TMPRSS11D: variants seen among roughly 807,000 people sequenced by gnomAD.
TMPRSS11D encodes transmembrane serine protease 11D, also known as transmembrane protease serine 11D.
TMPRSS11D carries 32 observed loss-of-function variants against 44.4 expected under a neutral mutation model. That is an observed-to-expected ratio of 0.72 (90% CI 0.54 to 0.97). TMPRSS11D has a LOEUF of 0.97. Among genes scored for constraint, TMPRSS11D ranks in the 50% least tolerant of loss-of-function variants. The probability of loss-of-function intolerance (pLI) is 0.00; values close to 1 mark genes in which losing one functional copy is unlikely to be tolerated. For missense variants in TMPRSS11D, 446 were observed against 502.6 expected, an observed-to-expected ratio of 0.89 and a Z score of 1.08; for synonymous variants, 179 against 177.9, an observed-to-expected ratio of 1.01 and a Z score of -0.05.
At chr4:67,846,870 A>T (rs1221580580) in intron 3 of TMPRSS11D, among the ~76,000 whole-genome samples, 1 of 151,850 alleles carries the variant, frequency 6.6e-6, no homozygotes, top group Non-Finnish European at 1.5e-5. Context: ...ACATATTTTC[A>T]TAGTCTTCTC....
chr4:67,883,906 A>G lies in TMPRSS11D; in HGVS notation c.8+20T>C. ...ATATAGTAAAACTTTTAAAGCTACA[A>G]AGACAAAAACAGGACTTACCTATAC... On this transcript the variant is annotated intron_variant, in intron 1 of 9. Coordinates refer to ENST00000283916, the MANE Select transcript of TMPRSS11D (RefSeq NM_004262.3). 10 of 1,593,208 alleles carry G rather than the reference A, an allele frequency of 6.3e-6. No individual in the cohort carries two copies. The highest frequency in any genetic ancestry group is 8.5e-6 in the Non-Finnish European group (10 of 1,170,546).
intron 1 of TMPRSS11D, among the ~76,000 whole-genome samples, chr4:67,871,249 C>CA (rs925687166): frequency 6.6e-6 from 1 of 152,162 alleles, no homozygotes; most frequent in Admixed American, 6.5e-5. Context: ...TAAAGAAACT[C>CA]AAAGTGTTTC....
rs78861183 is a variant in TMPRSS11D, at chr4:67,838,049, G to A, written c.475+123C>T. ...TATATGGTATATTTAGCTTTTTAATGGATTGTTTTCACAGTTTAGTTTCAA... is the reference window on the plus strand; with the variant it reads ...TATATGGTATATTTAGCTTTTTAATAGATTGTTTTCACAGTTTAGTTTCAA... On this transcript the variant is annotated intron_variant, in intron 5 of 9. Transcript: ENST00000283916. 3.3e-4 allele frequency: 260 copies of A among 793,684 alleles called. No individual in the cohort carries two copies. The African/African-American group carries it at 4.3e-3, about 13-fold the overall frequency. 49.2% of individuals were successfully genotyped at this position (793,684 alleles called of 1,614,324 possible).
At chr4:67,851,917 C>T (rs1718519447) in intron 3 of TMPRSS11D, among the ~76,000 whole-genome samples, 1 of 152,138 alleles carries the variant, frequency 6.6e-6, no homozygotes, top group Admixed American at 6.6e-5. Context: ...TGGTTTGGCC[C>T]TTGTAGGGGC....
At chr4:67,855,515 A>G in intron 2 of TMPRSS11D, among the ~76,000 whole-genome samples, 1 of 152,086 alleles carries the variant, frequency 6.6e-6, no homozygotes, top group Non-Finnish European at 1.5e-5. Context: ...TCATAACAAG[A>G]ACTCTCAACA....
rs746356215 is a variant in TMPRSS11D, at chr4:67,842,614, T to A, written c.261A>T (p.Thr87=). ...GATTTCTTAAATTTGATTCTTTGAATGTTTTAGTAATCTGTAGAAAGAAAG... is the reference window on the plus strand; with the variant it reads ...GATTTCTTAAATTTGATTCTTTGAAAGTTTTAGTAATCTGTAGAAAGAAAG... The part of the protein sequence containing the change: ...SGRIESLITK[T]FKESNLRNQF... Residue 87 remains threonine (T), a synonymous_variant, in exon 4 of 10, where the codon ACA becomes ACT. Coordinates refer to ENST00000283916, the MANE Select transcript of TMPRSS11D (RefSeq NM_004262.3). 1.2e-6 allele frequency: 2 copies of A among 1,607,634 alleles called. No individual in the cohort carries two copies. The highest frequency in any genetic ancestry group is 1.7e-6 in the Non-Finnish European group (2 of 1,178,278).
At chr4:67,833,114 T>C in intron 7 of TMPRSS11D, 90 bp downstream of exon 7, 1 of 1,182,076 alleles carries the variant, frequency 8.5e-7, no homozygotes, top group East Asian at 3.1e-5. Context: ...GAATTATTTC[T>C]GGCTCAATTC....
intron 1 of TMPRSS11D, among the ~76,000 whole-genome samples, chr4:67,877,229 T>C (rs1249388374): frequency 6.6e-6 from 1 of 152,224 alleles, no homozygotes; most frequent in Non-Finnish European, 1.5e-5. Flanking sequence ...CTCCATGCTC[T>C]GTCCTGGGTG....
intron 1 of TMPRSS11D, among the ~76,000 whole-genome samples, chr4:67,861,747 A>G (rs7689160): frequency 0.051 from 7,708 of 152,176 alleles, 630 homozygotes; most frequent in African/African-American, 0.17. Flanking sequence ...CATGAGACAT[A>G]TGACTCAACA....
chr4:67,873,010 T>C (rs1341296255), intron 1 of TMPRSS11D, among the ~76,000 whole-genome samples: 1 of 152,222 alleles, frequency 6.6e-6, no homozygotes, highest in African/African-American at 2.4e-5. Context: ...TTAAACCTGG[T>C]TGGACTCATG....
chr4:67,860,032 G>C (rs1215385677), intron 1 of TMPRSS11D, among the ~76,000 whole-genome samples: 3 of 152,036 alleles, frequency 2.0e-5, no homozygotes, highest in Non-Finnish European at 4.4e-5. Context: ...TTCTATGCTG[G>C]ACATTACTGT....
At chr4:67,853,849 G>A (rs953715585) in intron 3 of TMPRSS11D, among the ~76,000 whole-genome samples, 5 of 152,132 alleles carry the variant, frequency 3.3e-5, no homozygotes, top group East Asian at 3.8e-4. Flanking sequence ...ATATTTACTC[G>A]TGGCCTTTCT....
intron 1 of TMPRSS11D, among the ~76,000 whole-genome samples, chr4:67,881,341 T>G (rs529824707): frequency 6.6e-6 from 1 of 152,286 alleles, no homozygotes; most frequent in East Asian, 1.9e-4. Context: ...TGGGATAATT[T>G]GCTAGAAAAT....
At chr4:67,846,125 A>G (rs1394953970) in intron 3 of TMPRSS11D, among the ~76,000 whole-genome samples, 2 of 152,158 alleles carry the variant, frequency 1.3e-5, no homozygotes, top group Non-Finnish European at 2.9e-5. Context: ...AAGATCTGGA[A>G]AGCTCAGTTG....
At chr4:67,868,207 A>G (rs1297778812) in intron 1 of TMPRSS11D, among the ~76,000 whole-genome samples, 1 of 152,070 alleles carries the variant, frequency 6.6e-6, no homozygotes, top group Non-Finnish European at 1.5e-5. Context: ...CTCAGAAACA[A>G]AAAGTCAAAT....
At chr4:67,866,061 G>A (rs1253336028) in intron 1 of TMPRSS11D, among the ~76,000 whole-genome samples, 2 of 151,688 alleles carry the variant, frequency 1.3e-5, no homozygotes, top group African/African-American at 4.8e-5. Flanking sequence ...AAAACTGTAG[G>A]TCAAAATCCT....
chr4:67,825,681 T>G, intron 9 of TMPRSS11D, 51 bp downstream of exon 9: 1 of 1,592,788 alleles, frequency 6.3e-7, no homozygotes, highest in Non-Finnish European at 8.6e-7. Flanking sequence ...TACTAGGAAG[T>G]GCTTATACAC....
intron 3 of TMPRSS11D, among the ~76,000 whole-genome samples, chr4:67,845,814 A>G (rs917455589): frequency 3.0e-4 from 46 of 152,176 alleles, no homozygotes; most frequent in Admixed American, 3.0e-3. Context: ...GACTGAAGCA[A>G]GTTATGGCAT....
intron 4 of TMPRSS11D, among the ~76,000 whole-genome samples, 192 bp from the exon 5 acceptor site, chr4:67,838,521 A>G (rs1245079918): frequency 6.6e-6 from 1 of 152,142 alleles, no homozygotes; most frequent in Non-Finnish European, 1.5e-5. Context: ...ATTTCAATGC[A>G]CAGAACACTG....
Sources: allele counts gnomAD v4.1 joint callset (sites outside exome capture counted in the v4.1 genomes callset), GRCh38; gene constraint gnomAD v4.1.1; transcripts MANE v1.5; gene names NCBI Gene and HGNC (gene_info 2026-07-23, HGNC 2026-07-21).